SUMF1: variants seen among roughly 807,000 people sequenced by gnomAD.
The protein encoded by SUMF1 is formylglycine-generating enzyme.
SUMF1 carries 48 observed loss-of-function variants against 47.6 expected under a neutral mutation model. The ratio of observed to expected loss-of-function variants is 1.01; its 90% CI spans 0.80 to 1.28. The LOEUF is 1.28. Ranked by LOEUF, SUMF1 falls within the 50% of genes most tolerant of loss-of-function variation. The pLI is 0.00. For synonymous variants in SUMF1, 230 were observed against 192.1 expected (o/e 1.20, Z -1.63); for missense variants, 571 against 485.4 (o/e 1.18, Z -1.66).
intron 8 of SUMF1, among the ~76,000 whole-genome samples, chr3:4,155,896 C>G (rs1383065372): frequency 6.6e-6 from 1 of 151,106 alleles, no homozygotes; most frequent in East Asian, 1.9e-4. Context: ...TCCACAGATA[C>G]TCTTCATAAT....
intron 3 of SUMF1, 104 bp downstream of exon 3, chr3:4,449,162 G>C (rs1377610479): frequency 8.3e-7 from 1 of 1,201,742 alleles, no homozygotes. Flanking sequence ...GAATGGTTAG[G>C]TGTTACAGGG....
intron 8 of SUMF1, among the ~76,000 whole-genome samples, chr3:4,341,358 C>A (rs1471648633): frequency 6.6e-6 from 1 of 152,034 alleles, no homozygotes; most frequent in South Asian, 2.1e-4. Context: ...AAAATAATGA[C>A]CCTGGTAAAC....
intron 1 of SUMF1, among the ~76,000 whole-genome samples, chr3:4,456,980 A>ATATATATACGTGTGTG (rs2079660378): frequency 2.5e-5 from 3 of 119,504 alleles, no homozygotes; most frequent in African/African-American, 6.4e-5. Context: ...ACGTGTGTGT[A>ATATATATACGTGTGTG]TATATATATA....
chr3:4,428,410 G>A (rs1460200551), intron 3 of SUMF1, among the ~76,000 whole-genome samples: 5 of 152,066 alleles, frequency 3.3e-5, no homozygotes, highest in African/African-American at 1.2e-4. Context: ...TTGGAGTGCA[G>A]TGGCACTATC....
intron 7 of SUMF1, among the ~76,000 whole-genome samples, chr3:4,377,302 CA>C (rs1185508176): frequency 6.6e-6 from 1 of 151,674 alleles, no homozygotes; most frequent in Non-Finnish European, 1.5e-5. Context: ...ACCGCTACCA[CA>C]ATCAAGACAT....
chr3:4,210,352 A>G (rs1024919994), intron 8 of SUMF1, among the ~76,000 whole-genome samples: 1 of 152,208 alleles, frequency 6.6e-6, no homozygotes, highest in Non-Finnish European at 1.5e-5. Flanking sequence ...TTGAAAAAGA[A>G]CAAAACTTGA....
At chr3:4,236,554 G>C (rs1022708459) in intron 8 of SUMF1, among the ~76,000 whole-genome samples, 1 of 150,830 alleles carries the variant, frequency 6.6e-6, no homozygotes, top group African/African-American at 2.4e-5. Flanking sequence ...AGAAGTTCAA[G>C]TTCAGCATGG....
chr3:4,313,512 ACT>A (rs866436106), intron 8 of SUMF1: 12 of 1,613,900 alleles, frequency 7.4e-6, no homozygotes, highest in African/African-American at 2.7e-5. Context: ...CAGAAGAAGA[ACT>A]CTCTTATGAT....
intron 1 of SUMF1, among the ~76,000 whole-genome samples, chr3:4,459,035 G>A (rs2079741207): frequency 6.6e-6 from 1 of 152,142 alleles, no homozygotes; most frequent in Non-Finnish European, 1.5e-5. Flanking sequence ...AGAGGCTGGG[G>A]GAGAGGGGAA....
chr3:4,163,383 G>C (rs1236807250), intron 8 of SUMF1, among the ~76,000 whole-genome samples: 11 of 12,092 alleles, frequency 9.1e-4, no homozygotes, highest in Admixed American at 4.4e-3. Flanking sequence ...AGGAAGGAAG[G>C]GAGGGAGGGA....
intron 8 of SUMF1, among the ~76,000 whole-genome samples, chr3:4,278,481 ACTTG>A (rs1185253153): frequency 6.6e-6 from 1 of 152,178 alleles, no homozygotes; most frequent in Non-Finnish European, 1.5e-5. Flanking sequence ...ATACAGGATG[ACTTG>A]CTTAATTCTG....
intron 8 of SUMF1, among the ~76,000 whole-genome samples, chr3:4,258,022 T>G (rs1696994985): frequency 6.6e-6 from 1 of 152,038 alleles, no homozygotes; most frequent in Non-Finnish European, 1.5e-5. Flanking sequence ...AAGGATTCCC[T>G]ATTTAATAAA....
At chr3:4,201,834 T>C (rs1036435896) in intron 8 of SUMF1, among the ~76,000 whole-genome samples, 13 of 152,162 alleles carry the variant, frequency 8.5e-5, no homozygotes, top group African/African-American at 1.7e-4. Flanking sequence ...TGGGGTGAGA[T>C]GATATCCCAT....
At chr3:4,121,878 G>A (rs1596472) in intron 8 of SUMF1, among the ~76,000 whole-genome samples, 24,011 of 151,776 alleles carry the variant, frequency 0.16, 2,437 homozygotes, top group Non-Finnish European at 0.22. Flanking sequence ...CATCCTCCCC[G>A]CTCTGATAGG....
At chr3:4,222,462 C>T (rs898051710) in intron 8 of SUMF1, among the ~76,000 whole-genome samples, 3 of 152,020 alleles carry the variant, frequency 2.0e-5, no homozygotes, top group Admixed American at 2.0e-4. Flanking sequence ...TTATCATGGT[C>T]AATAAATACG....
intron 8 of SUMF1, among the ~76,000 whole-genome samples, chr3:4,131,106 T>C (rs1693777611): frequency 6.6e-6 from 1 of 152,156 alleles, no homozygotes; most frequent in South Asian, 2.1e-4. Flanking sequence ...AACTGAACAT[T>C]TGACTATGCG....
chr3:4,146,149 A>G (rs1271858065), intron 8 of SUMF1, among the ~76,000 whole-genome samples: 1 of 152,124 alleles, frequency 6.6e-6, no homozygotes, highest in Non-Finnish European at 1.5e-5. Context: ...TGCTGAGAGA[A>G]AAGAATCGCA....
intron 8 of SUMF1, among the ~76,000 whole-genome samples, chr3:4,179,725 G>C (rs574481630): frequency 6.6e-6 from 1 of 152,222 alleles, no homozygotes; most frequent in African/African-American, 2.4e-5. Context: ...CTTCTGCACG[G>C]CAAGAGAAAC....
chr3:4,154,620 G>C (rs1694411473), intron 8 of SUMF1, among the ~76,000 whole-genome samples: 1 of 151,346 alleles, frequency 6.6e-6, no homozygotes, highest in Non-Finnish European at 1.5e-5. Context: ...ACCTCTCGTT[G>C]ATCTGTCCCC....
Sources: gnomAD v4.1 joint callset for allele counts (sites outside exome capture counted in the v4.1 genomes callset) on GRCh38, gnomAD v4.1.1 for gene constraint, MANE v1.5 for transcripts, NCBI Gene and HGNC (gene_info 2026-07-23, HGNC 2026-07-21) for gene names.